Variants in APTX observed in about 807,000 individuals in gnomAD.
APTX encodes the protein forkhead-associated domain histidine triad-like protein.
Under a neutral mutation model 42.3 loss-of-function variants are expected in APTX, and 33 were observed. The observed-to-expected ratio is 0.78, with a 90% CI of 0.59 to 1.04. The LOEUF (loss-of-function observed/expected upper bound fraction) is 1.04. Ranked by LOEUF, APTX falls within the 50% of genes least tolerant of loss-of-function variation. APTX has a pLI of 0.00. For missense variants in APTX, 421 were observed against 415.1 expected (o/e 1.01, Z -0.12); for synonymous variants, 130 against 146.7 (o/e 0.89, Z 0.82).
intron 1 of APTX, among the ~76,000 whole-genome samples, chr9:33,016,801 C>A (rs1837934675): frequency 6.6e-6 from 1 of 152,158 alleles, no homozygotes; most frequent in African/African-American, 2.4e-5. Flanking sequence ...GCAGCCCAGG[C>A]AGGCAGAAAA....
intron 3 of APTX, 103 bp from the exon 4 acceptor site, chr9:32,987,949 C>A: frequency 6.5e-7 from 1 of 1,527,850 alleles, no homozygotes; most frequent in Non-Finnish European, 9.0e-7. Flanking sequence ...AAGCACCTTG[C>A]CTTATGTTCA....
chr9:32,974,452 G>A lies in APTX; in HGVS notation c.874+6C>T, dbSNP rs1828838600. 3.3e-6 allele frequency: 5 copies of A among 1,512,696 alleles called. No homozygotes were observed. The highest frequency in any genetic ancestry group is 4.6e-6 in the Non-Finnish European group (5 of 1,088,350). 93.7% of individuals were successfully genotyped at this position (1,512,696 alleles called of 1,614,324 possible). A position where few individuals can be genotyped will look rare whatever the true frequency, so the allele number is the denominator to read the frequency against. On this transcript the variant is annotated splice_donor_region_variant and intron_variant, in intron 7 of 7. Transcript: ENST00000379817. ...ACAAATGTGAAAACCAAGGAACACTGTTTACCTTGTGATTCTAGGAAGTAT... is the reference window on the plus strand; with the variant it reads ...ACAAATGTGAAAACCAAGGAACACTATTTACCTTGTGATTCTAGGAAGTAT...
At chr9:32,986,528 G>T (rs540373795) in intron 4 of APTX, among the ~76,000 whole-genome samples, 1 of 150,856 alleles carries the variant, frequency 6.6e-6, no homozygotes, top group African/African-American at 2.4e-5. Flanking sequence ...TTGAGATGGG[G>T]TTTCGCTCTT....
intron 1 of APTX, among the ~76,000 whole-genome samples, chr9:33,020,326 A>T (rs898659010): frequency 6.6e-6 from 1 of 152,222 alleles, no homozygotes; most frequent in Non-Finnish European, 1.5e-5. Context: ...GAAAGCTGGA[A>T]GTCATTCCTC....
chr9:32,995,682 T>G (rs937421783), intron 1 of APTX, among the ~76,000 whole-genome samples: 39 of 151,918 alleles, frequency 2.6e-4, no homozygotes, highest in Non-Finnish European at 5.1e-4. Context: ...GGTCAGGAGA[T>G]CGAGACCATC....
intron 1 of APTX, among the ~76,000 whole-genome samples, chr9:32,992,261 A>G (rs1833825282): frequency 6.6e-6 from 1 of 152,236 alleles, no homozygotes; most frequent in South Asian, 2.1e-4. Flanking sequence ...TTTAAAAATC[A>G]GTTTCATTAC....
intron 4 of APTX, among the ~76,000 whole-genome samples, chr9:32,987,321 C>T (rs1328764593): frequency 6.6e-6 from 1 of 152,238 alleles, no homozygotes; most frequent in Non-Finnish European, 1.5e-5. Context: ...TAAGTACACA[C>T]TGCCATTATT....
chr9:33,017,831 T>G (rs990162247), intron 1 of APTX, among the ~76,000 whole-genome samples: 1 of 151,956 alleles, frequency 6.6e-6, no homozygotes, highest in African/African-American at 2.4e-5. Context: ...CATTGCCCAC[T>G]GGTAATATCC....
intron 1 of APTX, among the ~76,000 whole-genome samples, chr9:33,022,503 C>A (rs1838468054): frequency 6.6e-6 from 1 of 152,218 alleles, no homozygotes; most frequent in South Asian, 2.1e-4. Flanking sequence ...CATGTTGACT[C>A]AGCAATTTCA....
chr9:32,989,655 G>A, intron 2 of APTX, 104 bp downstream of exon 2: 1 of 1,554,418 alleles, frequency 6.4e-7, no homozygotes, highest in Non-Finnish European at 8.8e-7. Context: ...CTGTATTTTT[G>A]GCAGACAATA....
chr9:32,976,787 A>C (rs1829529545), intron 6 of APTX, among the ~76,000 whole-genome samples: 1 of 152,254 alleles, frequency 6.6e-6, no homozygotes, highest in African/African-American at 2.4e-5. Flanking sequence ...ATATTTCCAA[A>C]AGTAAAATCT....
intron 1 of APTX, among the ~76,000 whole-genome samples, chr9:33,020,997 A>G (rs564308481): frequency 5.2e-4 from 79 of 152,156 alleles, no homozygotes; most frequent in African/African-American, 1.8e-3. Flanking sequence ...GGCGTGGTGG[A>G]ACATGCCTGT....
At position 32,973,233 on chromosome 9, in the gene APTX, C is replaced by G. The variant is rs1474362056; in HGVS notation, c.*265G>C. On this transcript the variant is annotated 3_prime_UTR_variant, in exon 8 of 8. Transcript: ENST00000379817. ...CATGGCTTTGCTCCCAATGGTCAGA[C>G]CTGACATGGGTCCTTCTGAAGATGG... 3 of 571,666 alleles carry G rather than the reference C, an allele frequency of 5.2e-6. No individual in the cohort carries two copies. Among genetic ancestry groups the G allele is most frequent in the Non-Finnish European group, 9.9e-6 (3 of 303,634 alleles). 35.4% of individuals were successfully genotyped at this position (571,666 alleles called of 1,614,324 possible).
intron 1 of APTX, among the ~76,000 whole-genome samples, chr9:32,992,298 G>T (rs1762364873): frequency 6.6e-6 from 1 of 152,204 alleles, no homozygotes; most frequent in Non-Finnish European, 1.5e-5. Context: ...ACAATGCAAG[G>T]CAAAGTGAGC....
At chr9:32,973,710 C>CAAAAAAAAAAAA in intron 7 of APTX, 58 bp from the exon 8 acceptor site, 1 of 1,296,416 alleles carries the variant, frequency 7.7e-7, no homozygotes, top group Non-Finnish European at 1.0e-6. Flanking sequence ...ATATGAGATA[C>CAAAAAAAAAAAA]CAAAAAAAAA....
chr9:32,995,090 A>T (rs1251970154), intron 1 of APTX, among the ~76,000 whole-genome samples: 1 of 152,252 alleles, frequency 6.6e-6, no homozygotes, highest in African/African-American at 2.4e-5. Flanking sequence ...ACAGGGAGAT[A>T]AATATTGTTT....
chr9:33,013,880 G>A (rs1340806684), intron 1 of APTX, among the ~76,000 whole-genome samples: 1 of 152,200 alleles, frequency 6.6e-6, no homozygotes, highest in East Asian at 1.9e-4. Flanking sequence ...GGAGATGAAA[G>A]AAATGACAGG....
intron 1 of APTX, among the ~76,000 whole-genome samples, chr9:33,021,888 G>A (rs895333293): frequency 6.6e-6 from 1 of 151,218 alleles, no homozygotes. Flanking sequence ...GTACTGAAGA[G>A]GCTGAGGCAG....
chr9:32,978,979 T>C (rs1830083918), intron 6 of APTX, among the ~76,000 whole-genome samples: 1 of 152,218 alleles, frequency 6.6e-6, no homozygotes, highest in Non-Finnish European at 1.5e-5. Context: ...ATAACTTATG[T>C]TTTGCTAACT....
Sources: allele counts gnomAD v4.1 joint callset (sites outside exome capture counted in the v4.1 genomes callset), GRCh38; gene constraint gnomAD v4.1.1; transcripts MANE v1.5; gene names NCBI Gene and HGNC (gene_info 2026-07-23, HGNC 2026-07-21).